The following VPS52 variants were observed in gnomAD, a reference collection of about 807,000 sequenced individuals.
The protein encoded by VPS52 is VPS52 subunit of GARP complex, also known as vacuolar protein sorting-associated protein 52 homolog.
VPS52 carries 56 observed loss-of-function variants against 98.7 expected under a neutral mutation model. The observed-to-expected ratio is 0.57, with a 90% CI of 0.46 to 0.71. The LOEUF (loss-of-function observed/expected upper bound fraction) is 0.71, where lower values mean the gene tolerates loss of function less well. Ranked by LOEUF, VPS52 falls within the 30% of genes least tolerant of loss-of-function variation. VPS52 has a pLI of 0.00. For missense variants in VPS52, 742 were observed against 925.9 expected (o/e 0.80, Z 2.58); for synonymous variants, 348 against 346.4 (o/e 1.00, Z -0.05).
At position 33,250,929 on chromosome 6, in the gene VPS52, G is replaced by C; in HGVS notation, c.2084C>G (p.Pro695Arg). 1.2e-6 allele frequency: 2 copies of C among 1,613,072 alleles called. No individual in the cohort carries two copies. Among genetic ancestry groups the C allele is most frequent in the Non-Finnish European group, 1.7e-6 (2 of 1,180,036 alleles). ...YHRFHRVLSQ[P>R]QLRALPARAE... ...CCGGGCAGGGAGGGCTCGGAGCTGC[G>C]GCTGGGACAGCACCCGGTGGAAGCG... Residue 695 changes from proline to arginine, a missense_variant, in exon 20 of 20, where the codon CCG becomes CGG. Pro to Arg is a moderately radical substitution (Grantham distance 103). This residue lies in a region of VPS52 where 590 missense variants were observed against 793.3 expected (regional missense o/e 0.74). Transcript: ENST00000445902.
In VPS52 at chr6:33,252,799, T is replaced by C. The variant is rs180706711; in HGVS notation, c.1795-828A>G. Among the ~76,000 whole-genome samples the C allele has an allele frequency of 7.4e-4, 113 of 152,156 alleles. 2 individuals carry two copies. The East Asian group carries it at 0.016, about 22-fold the overall frequency. ...AGACAGAAGATGGAAAATTTTGAGA[T>C]AGTAGGAGATACAGAAATCTAATTA... On this transcript the variant is annotated intron_variant, in intron 17 of 19. Transcript: ENST00000445902.
intron 17 of VPS52, among the ~76,000 whole-genome samples, chr6:33,255,794 TAA>T (rs35038222): frequency 2.7e-4 from 26 of 97,942 alleles, no homozygotes; most frequent in Middle Eastern, 5.1e-3. Flanking sequence ...AGACTCTGTC[TAA>T]AAAAAAAAAA....
At chr6:33,252,588 C>CAAAAAAAAAAAAAAAAAAA in intron 17 of VPS52, among the ~76,000 whole-genome samples, 1 of 96,174 alleles carries the variant, frequency 1.0e-5, no homozygotes, top group Non-Finnish European at 2.1e-5. Context: ...GACTCCGTCT[C>CAAAAAAAAAAAAAAAAAAA]AAAAAAAAAA....
In VPS52 at chr6:33,258,021, A is replaced by G. The variant is rs578011851; in HGVS notation, c.1794+5463T>C. 8.5e-5 allele frequency among the ~76,000 whole-genome samples: 13 copies of G among 152,288 alleles called. No individual in the cohort carries two copies. The East Asian group carries it at 2.3e-3, about 27-fold the overall frequency. On this transcript the variant is annotated intron_variant, in intron 17 of 19. Coordinates refer to ENST00000445902, the MANE Select transcript of VPS52 (RefSeq NM_022553.6). ...CAGAGCAAGACTGTTACTAAAAACA[A>G]AGACATAAAAATGAAGGACAGATAA... is the stretch of plus-strand genomic sequence containing the variant.
Position 33,268,400 on chromosome 6 carries a change from G to A in VPS52, c.699+99C>T. 1 of 1,473,354 alleles carries A rather than the reference G, an allele frequency of 6.8e-7. No individual in the cohort carries two copies. The highest frequency in any genetic ancestry group is 9.2e-7 in the Non-Finnish European group (1 of 1,089,988). The allele number at this position is 1,473,354 out of a possible 1,614,324, so 91.3% of individuals were successfully genotyped here. A position where few individuals can be genotyped will look rare whatever the true frequency, so the allele number is the denominator to read the frequency against. The stretch of plus-strand genomic sequence containing the variant: ...CCAGAAAAGGCAGGGTGAAGTCCCT[G>A]GAGACAGGCTACAGTGAGCTCTGCC... On this transcript the variant is annotated intron_variant, in intron 7 of 19. Coordinates refer to ENST00000445902, the MANE Select transcript of VPS52 (RefSeq NM_022553.6). The surrounding 1 kb of genome is among the most constrained non-coding windows in gnomAD (Gnocchi z 4.0).
At position 33,266,625 on chromosome 6, in the gene VPS52, C is replaced by CA. The variant is rs1338223060; in HGVS notation, c.1212dup (p.Val405CysfsTer32). On this transcript the variant is annotated frameshift_variant, in exon 12 of 20. Coordinates refer to ENST00000445902, the MANE Select transcript of VPS52 (RefSeq NM_022553.6). LOFTEE classifies it high-confidence loss of function. ...TCGTGTGCAGCTGGGCCAGACACAA[C>CA]AAAAAATTCACAGATGAAAAGGTAT... 6.2e-7 allele frequency: 1 copy of CA among 1,612,770 alleles called. No homozygotes were observed. Among genetic ancestry groups the CA allele is most frequent in the South Asian group, 1.1e-5 (1 of 91,064 alleles).
chr6:33,258,462 C>CA (rs577211753), intron 17 of VPS52, among the ~76,000 whole-genome samples: 14,278 of 114,852 alleles, frequency 0.12, 839 homozygotes, highest in South Asian at 0.19. Flanking sequence ...CTCATCTCAC[C>CA]AAAAAAAAAA....
Position 33,271,661 on chromosome 6 carries a change from C to G in VPS52, c.15G>C (p.Ala5=), listed in dbSNP as rs746907036. 1 of 1,609,456 alleles carries G rather than the reference C, an allele frequency of 6.2e-7. No individual in the cohort carries two copies. Among genetic ancestry groups the G allele is most frequent in the Non-Finnish European group, 8.5e-7 (1 of 1,177,530 alleles). MAAA[A]TMAAAARELV... ...GTTCCCGGGCCGCAGCCGCCATGGTCGCAGCGGCGGCCATTCCCCGCAGCC... is the reference window on the plus strand; with the variant it reads ...GTTCCCGGGCCGCAGCCGCCATGGTGGCAGCGGCGGCCATTCCCCGCAGCC... Residue 5 remains alanine (A), a synonymous_variant, in exon 1 of 20, where the codon GCG becomes GCC. Transcript: ENST00000445902.
At chr6:33,264,184 C>T in intron 14 of VPS52, 81 bp from the exon 15 acceptor site, 1 of 1,568,502 alleles carries the variant, frequency 6.4e-7, no homozygotes, top group Non-Finnish European at 8.8e-7. Flanking sequence ...GCCAACCCAC[C>T]TCCATGTGAT....
intron 17 of VPS52, among the ~76,000 whole-genome samples, chr6:33,256,463 C>CAAAAAAAAAAAAAAAAAAAAAAAAAAA (rs9280385): frequency 4.8e-5 from 4 of 83,756 alleles, no homozygotes; most frequent in Admixed American, 1.3e-4. Flanking sequence ...AAACCTGTCT[C>CAAAAAAAAAAAAAAAAAAAAAAAAAAA]AAAAAAAAAA....
chr6:33,264,064 T>C lies in VPS52; in HGVS notation c.1564A>G (p.Ser522Gly), dbSNP rs769490620. The C allele has an allele frequency of 1.9e-6, 3 of 1,614,240 alleles. No homozygotes were observed. The highest frequency in any genetic ancestry group is 3.3e-5 in the Admixed American group (2 of 60,036). Reference protein sequence around the residue: ...RYAEFSSALVSINQTIPNERT... With the variant: ...RYAEFSSALVGINQTIPNERT... ...TCATTAGGAATTGTCTGGTTGATAC[T>C]GACAAGAGCGGAGGAGAACTCTGCA... Residue 522 changes from serine to glycine, a missense_variant, in exon 15 of 20, where the codon AGT (serine) becomes GGT (glycine). Coordinates refer to ENST00000445902, the MANE Select transcript of VPS52 (RefSeq NM_022553.6).
intron 5 of VPS52, 118 bp from the exon 6 acceptor site, chr6:33,269,307 A>T: frequency 1.4e-6 from 2 of 1,435,758 alleles, no homozygotes; most frequent in Non-Finnish European, 1.9e-6. Flanking sequence ...GCAGATGATG[A>T]GACACCCCAG....
intron 18 of VPS52, 105 bp downstream of exon 18, chr6:33,251,755 C>T: frequency 7.0e-7 from 1 of 1,434,162 alleles, no homozygotes; most frequent in Non-Finnish European, 9.8e-7. Flanking sequence ...TTCTCTCAAT[C>T]CAGTCTTTCA....
At chr6:33,251,341 C>CA (rs1359622058) in intron 19 of VPS52, among the ~76,000 whole-genome samples, 177 bp downstream of exon 19, 215 of 134,278 alleles carry the variant, frequency 1.6e-3, no homozygotes, top group Non-Finnish European at 1.8e-3. Context: ...GACTCTGTCT[C>CA]AAAAAAAAAA....
intron 17 of VPS52, among the ~76,000 whole-genome samples, chr6:33,253,143 T>G (rs1036928205): frequency 3.9e-5 from 6 of 151,906 alleles, no homozygotes; most frequent in Non-Finnish European, 8.8e-5. Flanking sequence ...ATCTATAGAC[T>G]AAAAAAAGAC....
In VPS52 at chr6:33,267,994, G is replaced by A; in HGVS notation, c.804C>T (p.Phe268=). Residue 268 remains phenylalanine, a synonymous_variant, in exon 9 of 20, where the codon TTC becomes TTT. Coordinates refer to ENST00000445902, the MANE Select transcript of VPS52 (RefSeq NM_022553.6). This position sits in a 1 kb window ranked among gnomAD's most constrained non-coding sequence, Gnocchi z 4.2. ...IPQTALLKYR[F]FYQFLLGNER... ...CATTGCCCAGCAGAAACTGATAGAAGAACCTAGGGGGTCAGGAACATGTCA... is the reference window on the plus strand; with the variant it reads ...CATTGCCCAGCAGAAACTGATAGAAAAACCTAGGGGGTCAGGAACATGTCA... 1 of 1,613,044 alleles carries A rather than the reference G, an allele frequency of 6.2e-7. No homozygotes were observed. Among genetic ancestry groups the A allele is most frequent in the Non-Finnish European group, 8.5e-7 (1 of 1,180,018 alleles).
intron 5 of VPS52, 103 bp downstream of exon 5, chr6:33,269,386 AC>A (rs1162971510): frequency 1.3e-6 from 2 of 1,508,816 alleles, no homozygotes; most frequent in East Asian, 2.3e-5. Context: ...CTTGAAAATG[AC>A]CCTAACCTGT....
chr6:33,271,477 A>G (rs1266015912), intron 1 of VPS52, 109 bp downstream of exon 1: 2 of 1,468,604 alleles, frequency 1.4e-6, no homozygotes, highest in East Asian at 2.5e-5. Context: ...CAAACAGGTA[A>G]TATCACGGGT....
chr6:33,268,524 CCT>C lies in VPS52; in HGVS notation c.672_673del (p.Gly225ArgfsTer52). 2 of 1,611,414 alleles carry C rather than the reference CCT, an allele frequency of 1.2e-6. No homozygotes were observed. Among genetic ancestry groups the C allele is most frequent in the Non-Finnish European group, 1.7e-6 (2 of 1,179,034 alleles). On this transcript the variant is annotated frameshift_variant, in exon 7 of 20. Coordinates refer to ENST00000445902, the MANE Select transcript of VPS52 (RefSeq NM_022553.6). LOFTEE classifies it high-confidence loss of function. This position sits in a 1 kb window ranked among gnomAD's most constrained non-coding sequence, Gnocchi z 4.0. The stretch of plus-strand genomic sequence containing the variant: ...CTTGACCCGGAGCCGATCGAGCACG[CCT>C]CTGACATCTGCGCAGGCTGCTGTGC...
Sources: allele counts gnomAD v4.1 joint callset (sites outside exome capture counted in the v4.1 genomes callset), GRCh38; gene constraint gnomAD v4.1.1; regional missense constraint gnomAD v4.1.1; non-coding constraint Gnocchi (gnomAD v3.1); transcripts MANE v1.5; gene names NCBI Gene and HGNC (gene_info 2026-07-23, HGNC 2026-07-21).